ASTN2: variants seen among roughly 807,000 people sequenced by gnomAD.
The protein encoded by ASTN2 is astrotactin-2.
A neutral mutation model predicts 139.8 loss-of-function variants in ASTN2; 54 were observed. The observed-to-expected ratio is 0.39, with a 90% CI of 0.31 to 0.48. ASTN2 has a LOEUF of 0.48. ASTN2 is among the 20% of genes least tolerant of loss of function. The pLI is 0.95. For missense variants in ASTN2, 1,565 were observed against 1,725.1 expected, an observed-to-expected ratio of 0.91 and a Z score of 1.64; for synonymous variants, 756 against 719.5, an observed-to-expected ratio of 1.05 and a Z score of -0.81.
intron 1 of ASTN2, among the ~76,000 whole-genome samples, chr9:117,298,645 T>TG: frequency 1.3e-5 from 2 of 148,528 alleles, no homozygotes; most frequent in African/African-American, 5.0e-5. Flanking sequence ...TTTACTACTG[T>TG]CTTGGTGTGT....
In ASTN2 at chr9:116,423,233, AAAAAT is replaced by A. The variant is rs1008278503; in HGVS notation, c.*2613_*2617del. On this transcript the variant is annotated 3_prime_UTR_variant, in exon 23 of 23. Transcript: ENST00000313400. The stretch of plus-strand genomic sequence containing the variant: ...ATTGTCTCCATCAGGAGAAAAAATA[AAAAAT>A]AAAATAAAAACACTATACATTGCAT... Among the ~76,000 whole-genome samples the A allele has an allele frequency of 1.3e-5, 2 of 152,214 alleles. No individual in the cohort carries two copies. The highest frequency in any genetic ancestry group is 4.8e-5 in the African/African-American group (2 of 41,460).
At chr9:116,727,512 T>A (rs643727) in intron 15 of ASTN2, among the ~76,000 whole-genome samples, 1 of 126,376 alleles carries the variant, frequency 7.9e-6, no homozygotes, top group African/African-American at 3.0e-5. Context: ...ACAAATGCAG[T>A]GTGGGGTGTG....
Position 117,075,299 on chromosome 9 carries a change from C to A in ASTN2, c.1276+20745G>T, listed in dbSNP as rs545379048. On this transcript the variant is annotated intron_variant, in intron 5 of 22. Coordinates refer to ENST00000313400, the MANE Select transcript of ASTN2 (RefSeq NM_001365068.1). ...CCCCTAGCCCCAGGGAGTGATTTAT[C>A]AGCACAGCGTCAGCGCCTCTGCCCA... Among the ~76,000 whole-genome samples the A allele has an allele frequency of 5.3e-5, 8 of 152,288 alleles. No homozygotes were observed. The East Asian group carries it at 1.5e-3, about 29-fold the overall frequency.
chr9:116,946,159 G>C (rs1313841216), intron 10 of ASTN2, among the ~76,000 whole-genome samples: 2 of 152,124 alleles, frequency 1.3e-5, no homozygotes, highest in African/African-American at 4.8e-5. Context: ...CTGACACTTG[G>C]GGATTACAAT....
intron 19 of ASTN2, among the ~76,000 whole-genome samples, chr9:116,544,046 G>T (rs1293217474): frequency 6.6e-6 from 1 of 152,126 alleles, no homozygotes; most frequent in Non-Finnish European, 1.5e-5. Context: ...AGTTAGCAAT[G>T]TCCAAATTCC....
chr9:117,244,949 A>G (rs150863198), intron 2 of ASTN2, among the ~76,000 whole-genome samples: 359 of 152,252 alleles, frequency 2.4e-3, no homozygotes, highest in Non-Finnish European at 3.4e-3. Context: ...TTTCAGTTAT[A>G]TGTAGGCAGA....
chr9:116,872,829 C>T (rs575586027), intron 10 of ASTN2, among the ~76,000 whole-genome samples: 28 of 152,188 alleles, frequency 1.8e-4, no homozygotes, highest in African/African-American at 6.5e-4. Context: ...GATTGAGGGG[C>T]TTCAAGAGAT....
At chr9:116,799,705 G>GT (rs1418390999) in intron 13 of ASTN2, among the ~76,000 whole-genome samples, 3 of 110,522 alleles carry the variant, frequency 2.7e-5, no homozygotes, top group African/African-American at 4.6e-5. Flanking sequence ...GGGTAAGAGA[G>GT]TGGGGGGGGG....
At chr9:116,943,068 C>T (rs1835285320) in intron 10 of ASTN2, among the ~76,000 whole-genome samples, 1 of 152,112 alleles carries the variant, frequency 6.6e-6, no homozygotes, top group Non-Finnish European at 1.5e-5. Flanking sequence ...TAAATCTGCA[C>T]CTACTATGTA....
chr9:117,257,540 A>G (rs1381924142), intron 2 of ASTN2, among the ~76,000 whole-genome samples: 1 of 152,232 alleles, frequency 6.6e-6, no homozygotes, highest in East Asian at 1.9e-4. Context: ...GCTGCTGTAG[A>G]AGAAATTGAA....
chr9:117,221,847 G>GAAA (rs57161095), intron 2 of ASTN2, among the ~76,000 whole-genome samples: 1 of 144,986 alleles, frequency 6.9e-6, no homozygotes, highest in East Asian at 2.0e-4. Flanking sequence ...AGTGTTAGAA[G>GAAA]AAAAAAAAAA....
At chr9:116,791,552 T>G (rs1436448566) in intron 13 of ASTN2, among the ~76,000 whole-genome samples, 1 of 152,174 alleles carries the variant, frequency 6.6e-6, no homozygotes. Context: ...CAGAAGACAC[T>G]TAAGAGAACA....
At chr9:117,230,852 A>G (rs1294457315) in intron 2 of ASTN2, among the ~76,000 whole-genome samples, 2 of 152,182 alleles carry the variant, frequency 1.3e-5, no homozygotes, top group Admixed American at 1.3e-4. Context: ...ACTGAAAACA[A>G]TACAAAATAT....
At chr9:117,332,909 C>T (rs539944626) in intron 1 of ASTN2, among the ~76,000 whole-genome samples, 1 of 152,232 alleles carries the variant, frequency 6.6e-6, no homozygotes, top group African/African-American at 2.4e-5. Flanking sequence ...ACAAAATACT[C>T]TGTATTATAT....
At chr9:117,061,152 T>C (rs1839279360) in intron 5 of ASTN2, among the ~76,000 whole-genome samples, 1 of 130,854 alleles carries the variant, frequency 7.6e-6, no homozygotes, top group Admixed American at 7.3e-5. Flanking sequence ...TATTTATTTA[T>C]TTATTTATTT....
intron 7 of ASTN2, among the ~76,000 whole-genome samples, chr9:116,986,169 C>G (rs561097957): frequency 8.6e-5 from 12 of 139,344 alleles, no homozygotes; most frequent in African/African-American, 2.9e-4. Context: ...TGCCCCCCCC[C>G]ACCCCCCTGC....
At chr9:117,140,508 C>T (rs776440821) in intron 4 of ASTN2, among the ~76,000 whole-genome samples, 5 of 150,528 alleles carry the variant, frequency 3.3e-5, no homozygotes, top group Admixed American at 6.6e-5. Flanking sequence ...CCTTCATATA[C>T]GAAGTCACAT....
At chr9:117,165,336 A>C (rs1353672440) in intron 3 of ASTN2, among the ~76,000 whole-genome samples, 1 of 152,076 alleles carries the variant, frequency 6.6e-6, no homozygotes, top group Non-Finnish European at 1.5e-5. Flanking sequence ...AGAAGAGCAA[A>C]TGGAGGCTCA....
intron 7 of ASTN2, among the ~76,000 whole-genome samples, chr9:116,977,497 C>G (rs949098240): frequency 6.6e-6 from 1 of 151,864 alleles, no homozygotes; most frequent in African/African-American, 2.4e-5. Context: ...TCTGGCCATG[C>G]CTTACGCTTG....
Sources: gnomAD v4.1 joint callset for allele counts (sites outside exome capture counted in the v4.1 genomes callset) on GRCh38, gnomAD v4.1.1 for gene constraint, MANE v1.5 for transcripts, NCBI Gene and HGNC (gene_info 2026-07-23, HGNC 2026-07-21) for gene names.